Variants in BRD9 observed in about 807,000 individuals in gnomAD.
BRD9 encodes the protein bromodomain containing 9.
In BRD9, 47 loss-of-function variants were observed where a neutral mutation model predicts 68.7. That is an observed-to-expected ratio of 0.68 (90% CI 0.54 to 0.87). The LOEUF is 0.87. Ranked by LOEUF, BRD9 falls within the 40% of genes least tolerant of loss-of-function variation. The pLI, the probability that BRD9 is intolerant of heterozygous loss-of-function variation, is 0.00. For synonymous variants in BRD9, 313 were observed against 293.9 expected, an observed-to-expected ratio of 1.06 and a Z score of -0.67; for missense variants, 670 against 748.4, an observed-to-expected ratio of 0.90 and a Z score of 1.22.
intron 12 of BRD9, 100 bp downstream of exon 12, chr5:876,001 C>T (rs1750855598): frequency 2.6e-6 from 2 of 781,194 alleles, no homozygotes; most frequent in East Asian, 2.7e-5. Context: ...GTCCCTGCGA[C>T]AGCTCCTCGT....
At chr5:885,488 G>A (rs1343628891) in intron 7 of BRD9, among the ~76,000 whole-genome samples, 1 of 152,210 alleles carries the variant, frequency 6.6e-6, no homozygotes, top group Non-Finnish European at 1.5e-5. Context: ...ACAATGGAGG[G>A]CCGTGACCAT....
Position 884,090 on chromosome 5 carries a change from A to G in BRD9, c.834-20T>C, listed in dbSNP as rs372472223. ...ATGCAGCTGTGAGGTGGGGACAACC[A>G]AGTCACCTGGAGGCAGCGTCCCCAC... On this transcript the variant is annotated intron_variant, in intron 7 of 15. Transcript: ENST00000467963. 6.5e-5 allele frequency: 104 copies of G among 1,609,940 alleles called. No individual in the cohort carries two copies. The highest frequency in any genetic ancestry group is 6.2e-5 in the Non-Finnish European group (73 of 1,178,160).
chr5:889,311 G>C (rs969888807), intron 4 of BRD9, 146 bp from the exon 5 acceptor site: 1 of 985,226 alleles, frequency 1.0e-6, no homozygotes, highest in South Asian at 1.6e-5. Context: ...TATTGTGATA[G>C]GTATTTCAGA....
At chr5:876,297 T>C in intron 11 of BRD9, 85 bp from the exon 12 acceptor site, 1 of 1,012,486 alleles carries the variant, frequency 9.9e-7, no homozygotes, top group Non-Finnish European at 1.5e-6. Flanking sequence ...AAGCCTGCCG[T>C]GCCAGCGCAG....
In BRD9 at chr5:892,419, A is replaced by G. The variant is rs1753586891; in HGVS notation, c.52+187T>C. 3 of 1,329,696 alleles carry G rather than the reference A, an allele frequency of 2.3e-6. No homozygotes were observed. The South Asian group carries it at 4.7e-5, about 21-fold the overall frequency. 82.4% of individuals were successfully genotyped at this position (1,329,696 alleles called of 1,614,324 possible). A position where few individuals can be genotyped will look rare whatever the true frequency, so the allele number is the denominator to read the frequency against. On this transcript the variant is annotated intron_variant, in intron 1 of 15. Transcript: ENST00000467963. ...CCCTCTACCAGGAACGTAAGCGCCT[A>G]CCCAGGACCCCTCACGTGTGCCCGG...
At chr5:881,949 C>G (rs1251460389) in intron 8 of BRD9, 1 of 152,628 alleles carries the variant, frequency 6.6e-6, no homozygotes, top group South Asian at 2.1e-4. Flanking sequence ...GGGCGGAACC[C>G]ACGGGGCACG....
At chr5:889,309 T>A in intron 4 of BRD9, 144 bp from the exon 5 acceptor site, 1 of 995,660 alleles carries the variant, frequency 1.0e-6, no homozygotes, top group Non-Finnish European at 1.5e-6. Flanking sequence ...TTTATTGTGA[T>A]AGGTATTTCA....
chr5:889,803 T>TC, intron 3 of BRD9, 156 bp from the exon 4 acceptor site: 4 of 1,457,042 alleles, frequency 2.7e-6, no homozygotes, highest in Non-Finnish European at 3.7e-6. Flanking sequence ...CAGCCTTGGC[T>TC]CCCACCAAGC....
chr5:870,241 C>G, intron 14 of BRD9: 1 of 491,256 alleles, frequency 2.0e-6, no homozygotes, highest in Non-Finnish European at 3.7e-6. Flanking sequence ...CCTGAGGTTA[C>G]CCAGGGGCTG....
intron 13 of BRD9, 44 bp from the exon 14 acceptor site, chr5:870,619 GA>G: frequency 1.4e-6 from 2 of 1,384,910 alleles, no homozygotes; most frequent in South Asian, 1.2e-5. Flanking sequence ...AACATCAAAC[GA>G]AAAACGAAAT....
In BRD9 at chr5:863,781, G is replaced by C. The variant is rs1300137670; in HGVS notation, c.*687C>G. Reference sequence around the variant, plus strand: ...TTTTATGGACACGGAACGCTCCACTGTAACGGGCAGGCAGAACACACTCCT... The same window carrying C: ...TTTTATGGACACGGAACGCTCCACTCTAACGGGCAGGCAGAACACACTCCT... On this transcript the variant is annotated 3_prime_UTR_variant, in exon 16 of 16. Transcript: ENST00000467963. 6.6e-6 allele frequency: 1 copy of C among 152,270 alleles called. No homozygotes were observed. The highest frequency in any genetic ancestry group is 3.2e-3 in the Middle Eastern group (1 of 316). 9.4% of individuals were successfully genotyped at this position (152,270 alleles called of 1,614,324 possible). A position where few individuals can be genotyped will look rare whatever the true frequency, so the allele number is the denominator to read the frequency against.
At position 864,371 on chromosome 5, in the gene BRD9, A is replaced by C. The variant is rs906835836; in HGVS notation, c.*97T>G. ...CCCGCGGCTGCTTCCCGCATGCCAA[A>C]GGGGACAGGATCAAAGTCCTTGTCT... is the stretch of plus-strand genomic sequence containing the variant. On this transcript the variant is annotated 3_prime_UTR_variant, in exon 16 of 16. Coordinates refer to ENST00000467963, the MANE Select transcript of BRD9 (RefSeq NM_023924.5). The C allele has an allele frequency of 9.5e-7, 1 of 1,048,714 alleles. No individual in the cohort carries two copies. Among genetic ancestry groups the C allele is most frequent in the Middle Eastern group, 2.5e-4 (1 of 4,018 alleles). The allele number at this position is 1,048,714 out of a possible 1,614,324, so 65.0% of individuals were successfully genotyped here.
chr5:865,786 C>A, intron 14 of BRD9: 3 of 550,006 alleles, frequency 5.5e-6, no homozygotes, highest in Non-Finnish European at 9.5e-6. Context: ...GGAAGGCAGA[C>A]ACCCAGCGTC....
At chr5:885,375 C>A (rs572878560) in intron 7 of BRD9, among the ~76,000 whole-genome samples, 1 of 152,224 alleles carries the variant, frequency 6.6e-6, no homozygotes, top group Non-Finnish European at 1.5e-5. Flanking sequence ...TCCCTTTTGA[C>A]GGTTGGAGGG....
intron 14 of BRD9, among the ~76,000 whole-genome samples, chr5:868,140 C>T (rs1241949130): frequency 6.6e-6 from 1 of 152,162 alleles, no homozygotes; most frequent in Admixed American, 6.5e-5. Context: ...TCCCCCTTTG[C>T]GTTCTCTCCT....
At chr5:882,471 C>T (rs73733945) in intron 8 of BRD9, 4,424 of 162,440 alleles carry the variant, frequency 0.027, 179 homozygotes, top group African/African-American at 0.098. Context: ...ACGTGAGCCA[C>T]GCAGACCACA....
chr5:870,051 C>T (rs940349420), intron 14 of BRD9, among the ~76,000 whole-genome samples: 1 of 152,212 alleles, frequency 6.6e-6, no homozygotes, highest in African/African-American at 2.4e-5. Context: ...ACCCAGGGTA[C>T]GGATGGGCCC....
chr5:891,562 C>T, intron 2 of BRD9, 78 bp downstream of exon 2: 1 of 1,509,776 alleles, frequency 6.6e-7, no homozygotes, highest in East Asian at 2.5e-5. Context: ...CGCAGGCGCA[C>T]TCTGCCTGGG....
chr5:867,630 C>T (rs982510467), intron 14 of BRD9, among the ~76,000 whole-genome samples: 14 of 152,242 alleles, frequency 9.2e-5, no homozygotes, highest in African/African-American at 2.7e-4. Context: ...AAGATTCTTT[C>T]GGGGCCTCAA....
Sources: gnomAD v4.1 joint callset for allele counts (sites outside exome capture counted in the v4.1 genomes callset) on GRCh38, gnomAD v4.1.1 for gene constraint, MANE v1.5 for transcripts, NCBI Gene and HGNC (gene_info 2026-07-23, HGNC 2026-07-21) for gene names.